MNAT1: variants seen among roughly 807,000 people sequenced by gnomAD.
The protein encoded by MNAT1 is MNAT1 component of CDK activating kinase.
A neutral mutation model predicts 42.0 loss-of-function variants in MNAT1; 43 were observed. That is an observed-to-expected ratio of 1.02 (90% CI 0.80 to 1.32). The LOEUF is 1.32. Ranked by LOEUF, MNAT1 falls within the 40% of genes most tolerant of loss-of-function variation. The probability of loss-of-function intolerance (pLI) is 0.00; values close to 1 mark genes in which losing one functional copy is unlikely to be tolerated. For missense variants in MNAT1, 306 were observed against 350.4 expected, an observed-to-expected ratio of 0.87 and a Z score of 1.01; for synonymous variants, 118 against 120.0, an observed-to-expected ratio of 0.98 and a Z score of 0.11.
chr14:60,872,026 C>A (rs2034335899), intron 6 of MNAT1, among the ~76,000 whole-genome samples: 1 of 152,032 alleles, frequency 6.6e-6, no homozygotes, highest in Non-Finnish European at 1.5e-5. Context: ...TTAAAATTTT[C>A]TCTTTTTATT....
chr14:60,903,322 T>TC (rs1362181831), intron 7 of MNAT1, among the ~76,000 whole-genome samples: 23 of 152,272 alleles, frequency 1.5e-4, no homozygotes, highest in African/African-American at 5.3e-4. Context: ...CTTCCTATAT[T>TC]CCTAGATAGC....
At position 60,796,376 on chromosome 14, in the gene MNAT1, AT is replaced by A. The variant is rs1566769156; in HGVS notation, c.242+9del. ...GGAAAAAAGTGCTAAAGATGTAAGT[AT>A]TCCTGCTCGAATGATTCAGTCAACA... is the stretch of plus-strand genomic sequence containing the variant. On this transcript the variant is annotated splice_region_variant and intron_variant, in intron 2 of 7. Transcript: ENST00000261245. 2.5e-6 allele frequency: 4 copies of A among 1,605,862 alleles called. No individual in the cohort carries two copies. The highest frequency in any genetic ancestry group is 3.4e-6 in the Non-Finnish European group (4 of 1,176,100).
intron 7 of MNAT1, among the ~76,000 whole-genome samples, chr14:60,925,115 ATG>A (rs774068887): frequency 6.6e-5 from 10 of 152,208 alleles, no homozygotes; most frequent in Non-Finnish European, 1.5e-4. Context: ...CCTACATTGA[ATG>A]TGTACAGACT....
Position 60,831,117 on chromosome 14 carries a change from T to C in MNAT1, c.687+12270T>C, listed in dbSNP as rs542858691. Among the ~76,000 whole-genome samples the C allele has an allele frequency of 1.8e-3, 237 of 132,392 alleles. 1 individual carries two copies. Among genetic ancestry groups the C allele is most frequent in the Middle Eastern group, 8.0e-3 (2 of 250 alleles). The allele number at this position is 132,392 out of a possible 152,430, so 86.9% of individuals were successfully genotyped here. On this transcript the variant is annotated intron_variant, in intron 6 of 7. Transcript: ENST00000261245. ...TTCTTTTGTTCCTTTTTTTTTTTTTTCAATACTTTTAAGTTCTGGGATACA... is the reference window on the plus strand; with the variant it reads ...TTCTTTTGTTCCTTTTTTTTTTTTTCCAATACTTTTAAGTTCTGGGATACA...
intron 6 of MNAT1, among the ~76,000 whole-genome samples, chr14:60,869,904 C>G (rs1166035017): frequency 6.6e-6 from 1 of 151,996 alleles, no homozygotes; most frequent in African/African-American, 2.4e-5. Context: ...AGAGTTAACA[C>G]AAAAGATACT....
intron 6 of MNAT1, among the ~76,000 whole-genome samples, chr14:60,840,701 T>G (rs2033525320): frequency 6.6e-6 from 1 of 152,190 alleles, no homozygotes; most frequent in Non-Finnish European, 1.5e-5. Context: ...TCATTCTTGT[T>G]GCCCAGGCTG....
At chr14:60,964,975 CTTTG>C (rs1416538401) in intron 7 of MNAT1, among the ~76,000 whole-genome samples, 2 of 152,126 alleles carry the variant, frequency 1.3e-5, no homozygotes, top group Non-Finnish European at 2.9e-5. Context: ...CAAAAATGAA[CTTTG>C]TTTTATTTTT....
chr14:60,882,555 T>A lies in MNAT1; in HGVS notation c.809+2720T>A, dbSNP rs762864021. Among the ~76,000 whole-genome samples the A allele has an allele frequency of 2.4e-4, 36 of 152,336 alleles. 2 individuals are homozygous for A. The Middle Eastern group carries it at 0.02, about 86-fold the overall frequency. ...CCTGTAACAAACATGGGAGTGCAGA[T>A]GTCATTTTGAAATACTAATTCCCTT... On this transcript the variant is annotated intron_variant, in intron 7 of 7. Coordinates refer to ENST00000261245, the MANE Select transcript of MNAT1 (RefSeq NM_002431.4).
chr14:60,958,791 C>G (rs577836227), intron 7 of MNAT1, among the ~76,000 whole-genome samples: 1 of 152,082 alleles, frequency 6.6e-6, no homozygotes, highest in South Asian at 2.1e-4. Context: ...CGCCCACCAC[C>G]ACGCCTGGCT....
At chr14:60,909,584 C>T (rs890551730) in intron 7 of MNAT1, among the ~76,000 whole-genome samples, 3 of 152,040 alleles carry the variant, frequency 2.0e-5, no homozygotes, top group African/African-American at 7.2e-5. Flanking sequence ...ATAGGGAATC[C>T]TTTCCCCATT....
At chr14:60,861,759 TG>T (rs1303453839) in intron 6 of MNAT1, among the ~76,000 whole-genome samples, 1 of 152,226 alleles carries the variant, frequency 6.6e-6, no homozygotes, top group African/African-American at 2.4e-5. Flanking sequence ...AGGTTGTATT[TG>T]TTTTTTTGCT....
chr14:60,834,807 C>G (rs903145523), intron 6 of MNAT1, among the ~76,000 whole-genome samples: 3 of 152,126 alleles, frequency 2.0e-5, no homozygotes, highest in African/African-American at 7.2e-5. Flanking sequence ...GTCTAAGTCT[C>G]TTTGTAGGTC....
At chr14:60,780,648 A>G in intron 1 of MNAT1, 1 of 1,101,698 alleles carries the variant, frequency 9.1e-7, no homozygotes, top group African/African-American at 1.6e-5. Context: ...GTTTTCCTGA[A>G]ATCAAGTCAT....
At chr14:60,920,892 G>A (rs919330563) in intron 7 of MNAT1, among the ~76,000 whole-genome samples, 1 of 152,184 alleles carries the variant, frequency 6.6e-6, no homozygotes, top group Non-Finnish European at 1.5e-5. Context: ...TATTAGACAT[G>A]TATAGCTTGG....
chr14:60,830,460 T>G (rs1159678787), intron 6 of MNAT1, among the ~76,000 whole-genome samples: 1 of 152,192 alleles, frequency 6.6e-6, no homozygotes, highest in African/African-American at 2.4e-5. Context: ...ATTTTCTTTT[T>G]TTGGTGATTG....
chr14:60,948,530 T>G (rs1434652997), intron 7 of MNAT1, among the ~76,000 whole-genome samples: 2 of 152,202 alleles, frequency 1.3e-5, no homozygotes, highest in Admixed American at 6.5e-5. Context: ...TTTTCATTTC[T>G]AGAAAACCCT....
At chr14:60,779,888 C>T (rs577040667) in intron 1 of MNAT1, 2 of 735,684 alleles carry the variant, frequency 2.7e-6, no homozygotes, top group African/African-American at 1.8e-5. Context: ...AAACTCTTGG[C>T]GGGGAAGTGC....
intron 1 of MNAT1, among the ~76,000 whole-genome samples, chr14:60,761,017 G>A (rs1479771773): frequency 2.0e-5 from 3 of 152,146 alleles, no homozygotes; most frequent in Non-Finnish European, 2.9e-5. Flanking sequence ...CAACTCTTTT[G>A]GCCATTGTAC....
At chr14:60,806,574 A>G (rs955916491) in intron 3 of MNAT1, among the ~76,000 whole-genome samples, 4 of 152,266 alleles carry the variant, frequency 2.6e-5, no homozygotes, top group African/African-American at 9.6e-5. Context: ...TCACGCCAGT[A>G]ATCCCAGCAC....
Sources: gnomAD v4.1 joint callset for allele counts (sites outside exome capture counted in the v4.1 genomes callset) on GRCh38, gnomAD v4.1.1 for gene constraint, MANE v1.5 for transcripts, NCBI Gene and HGNC (gene_info 2026-07-23, HGNC 2026-07-21) for gene names.